The following TENM2 variants were observed in gnomAD, a reference collection of about 807,000 sequenced individuals.
TENM2 encodes teneurin transmembrane protein 2.
In TENM2, 52 loss-of-function variants were observed where a neutral mutation model predicts 245.2. The observed-to-expected ratio is 0.21, with a 90% CI of 0.17 to 0.27. The LOEUF is 0.27. Among genes scored for constraint, TENM2 ranks in the 10% least tolerant of loss-of-function variants. The probability of loss-of-function intolerance (pLI) is 1.00; values close to 1 mark genes in which losing one functional copy is unlikely to be tolerated. For synonymous variants in TENM2, 1,363 were observed against 1,438.9 expected, an observed-to-expected ratio of 0.95 and a Z score of 1.19; for missense variants, 3,046 against 3,666.8, an observed-to-expected ratio of 0.83 and a Z score of 4.37.
intron 2 of TENM2, among the ~76,000 whole-genome samples, chr5:167,778,653 GGAA>G (rs1309366637): frequency 8.5e-5 from 13 of 152,064 alleles, no homozygotes; most frequent in Non-Finnish European, 1.8e-4. Flanking sequence ...TTTTTCCCTA[GGAA>G]TAAGCACAAT....
chr5:167,093,268 T>C, the TENM2 span, among the ~76,000 whole-genome samples: 3 of 152,204 alleles, frequency 2.0e-5, no homozygotes, highest in Non-Finnish European at 4.4e-5. Context: ...ATTCCACGGA[T>C]ACAAGAGTTC....
intron 2 of TENM2, among the ~76,000 whole-genome samples, chr5:167,401,666 C>T (rs1310560120): frequency 2.0e-5 from 3 of 152,000 alleles, no homozygotes; most frequent in South Asian, 2.1e-4. Context: ...TAGGCTTCAG[C>T]GATTCATTTA....
At chr5:167,284,499 G>A (rs915116552), upstream of TENM2, among the ~76,000 whole-genome samples, 1 of 152,090 alleles carries the variant, frequency 6.6e-6, no homozygotes, top group Non-Finnish European at 1.5e-5. Flanking sequence ...TGTCATCTGT[G>A]CATACAAAAA....
At chr5:168,228,372 CTCCATT>C (rs1183457602) in intron 25 of TENM2, among the ~76,000 whole-genome samples, 3 of 152,234 alleles carry the variant, frequency 2.0e-5, no homozygotes, top group African/African-American at 7.2e-5. Flanking sequence ...GAAAAACGTT[CTCCATT>C]TCCATTTCCT....
chr5:168,035,580 A>G (rs138162002), intron 5 of TENM2, among the ~76,000 whole-genome samples: 1 of 152,116 alleles, frequency 6.6e-6, no homozygotes, highest in Non-Finnish European at 1.5e-5. Context: ...TGCAAATGAC[A>G]TTCACAGTAG....
At chr5:167,942,021 A>G (rs2151774020) in intron 3 of TENM2, among the ~76,000 whole-genome samples, 1 of 152,316 alleles carries the variant, frequency 6.6e-6, no homozygotes, top group East Asian at 1.9e-4. Context: ...CAGCCTGGCC[A>G]ACACGGGGAA....
At chr5:167,378,053 T>G (rs1357139257) in intron 2 of TENM2, among the ~76,000 whole-genome samples, 2 of 152,168 alleles carry the variant, frequency 1.3e-5, no homozygotes, top group Non-Finnish European at 2.9e-5. Context: ...TCCATATGTT[T>G]TAATTTCATT....
chr5:167,803,638 T>C (rs1765939953), intron 2 of TENM2, among the ~76,000 whole-genome samples: 1 of 152,082 alleles, frequency 6.6e-6, no homozygotes, highest in African/African-American at 2.4e-5. Flanking sequence ...AACAGAGGCA[T>C]AAATACTTTG....
At chr5:167,994,834 A>T (rs1002534945) in intron 5 of TENM2, among the ~76,000 whole-genome samples, 2 of 152,172 alleles carry the variant, frequency 1.3e-5, no homozygotes, top group African/African-American at 4.8e-5. Context: ...GAAGTAATGG[A>T]TTGACCTCAG....
At chr5:167,178,153 T>G in the TENM2 span, among the ~76,000 whole-genome samples, 6 of 152,210 alleles carry the variant, frequency 3.9e-5, no homozygotes, top group Admixed American at 1.3e-4. Flanking sequence ...CTCATTACAT[T>G]GCAGTATTGC....
At chr5:167,645,084 T>C (rs1047060852) in intron 2 of TENM2, among the ~76,000 whole-genome samples, 4 of 152,186 alleles carry the variant, frequency 2.6e-5, no homozygotes, top group Admixed American at 2.0e-4. Context: ...AGTAAAAATA[T>C]AGTATTATAA....
At chr5:167,389,635 C>G (rs1015349476) in intron 2 of TENM2, among the ~76,000 whole-genome samples, 1 of 152,076 alleles carries the variant, frequency 6.6e-6, no homozygotes, top group Admixed American at 6.6e-5. Context: ...TAGCTACATT[C>G]CTGTGGACAT....
chr5:167,833,223 A>AT (rs1237849568), intron 2 of TENM2, among the ~76,000 whole-genome samples: 7 of 152,130 alleles, frequency 4.6e-5, no homozygotes, highest in Non-Finnish European at 1.0e-4. Flanking sequence ...GAAATATTTT[A>AT]TTTTATTAAA....
intron 5 of TENM2, chr5:168,033,319 A>G (rs1428892833): frequency 6.6e-6 from 1 of 152,204 alleles, no homozygotes. Flanking sequence ...AAGCACTAGA[A>G]ATGCAGTTAG....
At chr5:167,366,846 T>C (rs1232829127) in intron 1 of TENM2, among the ~76,000 whole-genome samples, 2 of 152,182 alleles carry the variant, frequency 1.3e-5, no homozygotes, top group East Asian at 1.9e-4. Context: ...CAGGTGAATG[T>C]ACATGTTTGT....
the TENM2 span, among the ~76,000 whole-genome samples, chr5:167,180,103 CTTTTTTTT>C: frequency 1.7e-5 from 2 of 114,978 alleles, no homozygotes; most frequent in African/African-American, 8.4e-5. Flanking sequence ...TAAGTGCTTC[CTTTTTTTT>C]TTTTTTTTTT....
chr5:167,070,109 A>ATTTATTTATTTATTTATTTG, the TENM2 span, among the ~76,000 whole-genome samples: 2 of 148,534 alleles, frequency 1.3e-5, no homozygotes, highest in East Asian at 3.9e-4. Flanking sequence ...TTTGACAAAT[A>ATTTATTTATTTATTTATTTG]TTTATTTATT....
At chr5:168,089,935 C>T (rs1792779446) in intron 7 of TENM2, among the ~76,000 whole-genome samples, 1 of 152,066 alleles carries the variant, frequency 6.6e-6, no homozygotes, top group Non-Finnish European at 1.5e-5. Context: ...AATGGGAAAA[C>T]CAAGGCACAG....
At chr5:168,046,522 T>C (rs1351755014) in intron 5 of TENM2, among the ~76,000 whole-genome samples, 1 of 152,164 alleles carries the variant, frequency 6.6e-6, no homozygotes, top group African/African-American at 2.4e-5. Context: ...CCAAGAACCA[T>C]CAGGGATAGG....
Sources: gnomAD v4.1 joint callset for allele counts (sites outside exome capture counted in the v4.1 genomes callset) on GRCh38, gnomAD v4.1.1 for gene constraint, MANE v1.5 for transcripts, NCBI Gene and HGNC (gene_info 2026-07-23, HGNC 2026-07-21) for gene names.